IQCM: variants seen among roughly 807,000 people sequenced by gnomAD.
IQCM encodes the protein IQ motif containing M.
A neutral mutation model predicts 57.6 loss-of-function variants in IQCM; 45 were observed. The observed-to-expected ratio is 0.78, with a 90% confidence interval of 0.62 to 1.00. The LOEUF is 1.00. IQCM is among the 50% of genes least tolerant of loss of function. The probability of loss-of-function intolerance (pLI) is 0.00; values close to 1 mark genes in which losing one functional copy is unlikely to be tolerated. For missense variants in IQCM, 468 were observed against 511.6 expected (o/e 0.91, Z 0.82); for synonymous variants, 148 against 158.9 (o/e 0.93, Z 0.51).
intron 13 of IQCM, among the ~76,000 whole-genome samples, chr4:149,417,694 T>C (rs1348700523): frequency 6.6e-6 from 1 of 152,090 alleles, no homozygotes; most frequent in East Asian, 1.9e-4. Flanking sequence ...GTCATCCCTC[T>C]CTGTTATGCA....
intron 7 of IQCM, among the ~76,000 whole-genome samples, chr4:149,653,488 A>G (rs971228448): frequency 6.6e-6 from 1 of 152,038 alleles, no homozygotes; most frequent in African/African-American, 2.4e-5. Flanking sequence ...CATTTTATAT[A>G]TATATATATA....
At chr4:149,755,332 C>A (rs1424844434) in intron 2 of IQCM, among the ~76,000 whole-genome samples, 1 of 152,142 alleles carries the variant, frequency 6.6e-6, no homozygotes, top group East Asian at 1.9e-4. Flanking sequence ...GTCACCATGT[C>A]CCCACACACC....
chr4:149,708,089 G>C (rs534990061), intron 5 of IQCM, among the ~76,000 whole-genome samples: 85 of 152,042 alleles, frequency 5.6e-4, no homozygotes, highest in South Asian at 5.2e-3. Flanking sequence ...ACAAATGCCA[G>C]TACTTCACCA....
intron 13 of IQCM, among the ~76,000 whole-genome samples, chr4:149,359,981 T>G (rs1729358681): frequency 6.6e-6 from 1 of 152,092 alleles, no homozygotes; most frequent in South Asian, 2.1e-4. Flanking sequence ...TTTCTGGGTC[T>G]CCATTTCCTA....
chr4:149,511,256 T>C (rs1744382586), intron 12 of IQCM, among the ~76,000 whole-genome samples: 1 of 152,100 alleles, frequency 6.6e-6, no homozygotes, highest in African/African-American at 2.4e-5. Flanking sequence ...CGTTAGCTCA[T>C]GCCTGTAATC....
rs1579505376 is a variant in IQCM, at chr4:149,563,740, A to G, written c.900T>C (p.His300=). Residue 300 remains histidine (H), a synonymous_variant, in exon 10 of 14, where the codon CAT becomes CAC. Transcript: ENST00000636793. ...TTTTCCGTTCAAGCCATCCCCTGAC[A>G]TGTGCCTGCATGACGGTGACCATTC... ...LIRMVTVMQA[H]VRGWLERKRL... The G allele has an allele frequency of 1.6e-6, 2 of 1,232,044 alleles. No individual in the cohort carries two copies. The highest frequency in any genetic ancestry group is 4.1e-5 in the South Asian group (1 of 24,306). 76.3% of individuals were successfully genotyped at this position (1,232,044 alleles called of 1,614,324 possible). A position where few individuals can be genotyped will look rare whatever the true frequency, so the allele number is the denominator to read the frequency against.
At chr4:149,548,830 G>T (rs1307174702) in intron 11 of IQCM, among the ~76,000 whole-genome samples, 4 of 152,090 alleles carry the variant, frequency 2.6e-5, no homozygotes, top group Admixed American at 2.6e-4. Flanking sequence ...CTGACTTCAT[G>T]ATAATTGACC....
intron 3 of IQCM, among the ~76,000 whole-genome samples, chr4:149,736,102 C>G (rs1478859919): frequency 6.6e-6 from 1 of 151,024 alleles, no homozygotes; most frequent in Non-Finnish European, 1.5e-5. Flanking sequence ...CGTGCACCAC[C>G]ACATCCAGCT....
chr4:149,361,487 G>A (rs942449042), intron 13 of IQCM, among the ~76,000 whole-genome samples: 34 of 152,144 alleles, frequency 2.2e-4, no homozygotes, highest in Non-Finnish European at 7.4e-5. Flanking sequence ...TGTGGGCAGG[G>A]CCCAGGGTCC....
chr4:149,444,182 G>T (rs984876381), intron 12 of IQCM, among the ~76,000 whole-genome samples: 1 of 151,798 alleles, frequency 6.6e-6, no homozygotes, highest in African/African-American at 2.4e-5. Context: ...TTATCCAGAT[G>T]AATTAAAGAC....
chr4:149,712,415 A>G (rs776172191), intron 5 of IQCM, among the ~76,000 whole-genome samples: 4 of 152,140 alleles, frequency 2.6e-5, no homozygotes, highest in Non-Finnish European at 4.4e-5. Context: ...AGGGATCAGC[A>G]TAACAGAAGT....
At chr4:149,528,108 C>G (rs1328699121) in intron 12 of IQCM, among the ~76,000 whole-genome samples, 2 of 151,888 alleles carry the variant, frequency 1.3e-5, no homozygotes, top group South Asian at 4.1e-4. Flanking sequence ...GCCGCAGCCT[C>G]CTGAGTAGCT....
chr4:149,653,454 A>G (rs1378872549), intron 7 of IQCM, among the ~76,000 whole-genome samples: 1 of 152,086 alleles, frequency 6.6e-6, no homozygotes, highest in Non-Finnish European at 1.5e-5. Context: ...ATATATCTAT[A>G]TAACATATAT....
At chr4:149,500,462 A>G (rs1404897228) in intron 12 of IQCM, among the ~76,000 whole-genome samples, 1 of 152,214 alleles carries the variant, frequency 6.6e-6, no homozygotes, top group East Asian at 1.9e-4. Context: ...GAGTTCAAAT[A>G]TTCAGACCCA....
In IQCM at chr4:149,354,363, C is replaced by CAAAAAAAAAAAAAA. The variant is rs70965178; in HGVS notation, c.1391-2311_1391-2298dup. On this transcript the variant is annotated intron_variant, in intron 13 of 13. Coordinates refer to ENST00000636793, the MANE Select transcript of IQCM (RefSeq NM_001363507.2). Reference sequence around the variant, plus strand: ...TGGGCGACAGAGCGAGACTCCGTCTCAAAAAAAAAAAAAAAAAAAAAAAAA... The same window carrying CAAAAAAAAAAAAAA: ...TGGGCGACAGAGCGAGACTCCGTCTCAAAAAAAAAAAAAAAAAAAAAAAAAAAAAAAAAAAAAAA... 8.7e-3 allele frequency among the ~76,000 whole-genome samples: 173 copies of CAAAAAAAAAAAAAA among 19,882 alleles called. 3 individuals carry two copies. Among genetic ancestry groups the CAAAAAAAAAAAAAA allele is most frequent in the Non-Finnish European group, 0.011 (122 of 11,600 alleles). The allele number at this position is 19,882 out of a possible 152,430, so 13.0% of individuals were successfully genotyped here.
intron 2 of IQCM, among the ~76,000 whole-genome samples, chr4:149,760,227 T>C (rs1051750302): frequency 2.6e-5 from 4 of 151,138 alleles, no homozygotes; most frequent in Non-Finnish European, 5.9e-5. Flanking sequence ...TAATAGATAA[T>C]AAGGAAAAAA....
intron 2 of IQCM, among the ~76,000 whole-genome samples, chr4:149,802,091 GA>G (rs1273867368): frequency 6.6e-6 from 1 of 151,818 alleles, no homozygotes; most frequent in African/African-American, 2.4e-5. Flanking sequence ...TATACAGTTT[GA>G]TAAGTTAAAT....
At chr4:149,369,517 C>A (rs1578825291) in intron 13 of IQCM, among the ~76,000 whole-genome samples, 1 of 152,136 alleles carries the variant, frequency 6.6e-6, no homozygotes, top group Non-Finnish European at 1.5e-5. Context: ...CCTTAACCTT[C>A]ATTTGTTTTA....
At chr4:149,659,646 G>C (rs1759985866) in intron 7 of IQCM, among the ~76,000 whole-genome samples, 1 of 152,012 alleles carries the variant, frequency 6.6e-6, no homozygotes, top group Admixed American at 6.6e-5. Context: ...TAGATCAATG[G>C]AACAGAACAG....
Sources: gnomAD v4.1 joint callset for allele counts (sites outside exome capture counted in the v4.1 genomes callset) on GRCh38, gnomAD v4.1.1 for gene constraint, MANE v1.5 for transcripts, NCBI Gene and HGNC (gene_info 2026-07-23, HGNC 2026-07-21) for gene names.